LONP2: variants seen among roughly 807,000 people sequenced by gnomAD.
LONP2 encodes the protein lon peptidase 2, peroxisomal.
In LONP2, 60 loss-of-function variants were observed where a neutral mutation model predicts 85.6. The observed-to-expected ratio is 0.70, with a 90% CI of 0.57 to 0.87. The LOEUF is 0.87. Among genes scored for constraint, LONP2 ranks in the 40% least tolerant of loss-of-function variants. The pLI, the probability that LONP2 is intolerant of heterozygous loss-of-function variation, is 0.00. For missense variants in LONP2, 860 were observed against 1,063.5 expected (o/e 0.81, Z 2.66); for synonymous variants, 395 against 389.7 (o/e 1.01, Z -0.16).
chr16:48,258,831 C>T, intron 4 of LONP2, 91 bp downstream of exon 4: 1 of 1,180,152 alleles, frequency 8.5e-7, no homozygotes, highest in Non-Finnish European at 1.1e-6. Flanking sequence ...TGTCTCCTAC[C>T]ACTCGCACTA....
rs1597004149 is a variant in LONP2, at chr16:48,347,499, C to T, written c.1939-8C>T. 1 of 1,614,126 alleles carries T rather than the reference C, an allele frequency of 6.2e-7. No homozygotes were observed. Among genetic ancestry groups the T allele is most frequent in the East Asian group, 2.2e-5 (1 of 44,878 alleles). ...CAACCCAACTCTGATCATTCTTCTT[C>T]TTTCAAGGTATCTCAGCGTTTGAGT... On this transcript the variant is annotated splice_polypyrimidine_tract_variant and splice_region_variant and intron_variant, in intron 12 of 14. Transcript: ENST00000285737.
intron 12 of LONP2, chr16:48,334,645 C>A: frequency 1.6e-6 from 1 of 609,684 alleles, no homozygotes. Flanking sequence ...ACAGGCACAG[C>A]ATCAGGCGCA....
chr16:48,322,099 C>A (rs1234781851), intron 11 of LONP2, among the ~76,000 whole-genome samples: 3 of 151,736 alleles, frequency 2.0e-5, no homozygotes, highest in Non-Finnish European at 2.9e-5. Context: ...TAAAACTTTT[C>A]AAATCTTTTA....
chr16:48,288,044 T>C (rs965104667), intron 8 of LONP2, among the ~76,000 whole-genome samples: 3 of 152,216 alleles, frequency 2.0e-5, no homozygotes, highest in African/African-American at 4.8e-5. Context: ...CAAAGATTTG[T>C]GTGTGAGTTG....
chr16:48,304,451 C>A (rs1475336027), intron 11 of LONP2, among the ~76,000 whole-genome samples: 2 of 152,154 alleles, frequency 1.3e-5, no homozygotes. Context: ...TGCCTTTGAT[C>A]CCAGCACTTT....
At chr16:48,287,417 T>C (rs1205377383) in intron 8 of LONP2, among the ~76,000 whole-genome samples, 1 of 152,254 alleles carries the variant, frequency 6.6e-6, no homozygotes, top group African/African-American at 2.4e-5. Context: ...CCAACTAGTT[T>C]CATTGCCTCA....
chr16:48,269,933 T>C (rs1272191893), intron 6 of LONP2, 83 bp from the exon 7 acceptor site: 2 of 1,392,290 alleles, frequency 1.4e-6, no homozygotes, highest in African/African-American at 2.9e-5. Context: ...AAAAAAAATA[T>C]TTTGCCCTCG....
At chr16:48,348,324 T>C (rs1325430578) in intron 14 of LONP2, 34 bp downstream of exon 14, 1 of 1,300,686 alleles carries the variant, frequency 7.7e-7, no homozygotes, top group Non-Finnish European at 1.0e-6. Flanking sequence ...ATGGTTATTT[T>C]TTATTTAATT....
intron 6 of LONP2, among the ~76,000 whole-genome samples, chr16:48,264,672 G>A (rs986688953): frequency 6.6e-6 from 1 of 152,186 alleles, no homozygotes; most frequent in Non-Finnish European, 1.5e-5. Context: ...AATCACAAGA[G>A]TATTGATTGA....
At chr16:48,298,494 C>G (rs1459345153) in intron 9 of LONP2, among the ~76,000 whole-genome samples, 1 of 151,748 alleles carries the variant, frequency 6.6e-6, no homozygotes, top group Non-Finnish European at 1.5e-5. Flanking sequence ...TATATACCAT[C>G]ATGTGGAGGA....
At chr16:48,334,477 G>C in intron 12 of LONP2, 119 bp downstream of exon 12, 1 of 1,280,020 alleles carries the variant, frequency 7.8e-7, no homozygotes, top group Non-Finnish European at 1.1e-6. Context: ...AGCCTTATTC[G>C]ACCTTCTTTT....
Position 48,351,783 on chromosome 16 carries a change from T to C in LONP2, c.2540T>C (p.Leu847Pro). The change falls in exon 15 of 15, where the codon CTG becomes CCG. Residue 847 changes from leucine (L) to proline (P), a missense_variant. Coordinates refer to ENST00000285737, the MANE Select transcript of LONP2 (RefSeq NM_031490.5). ...TTTACTGTCAAGACCAGACCTGGTC[T>C]GTTAAATAGCAAACTGTAGGTCCAA... ...GGFTVKTRPG[L>P]LNSKL The C allele has an allele frequency of 1.2e-6, 2 of 1,614,120 alleles. No individual in the cohort carries two copies. Among genetic ancestry groups the C allele is most frequent in the Non-Finnish European group, 1.7e-6 (2 of 1,179,960 alleles).
At chr16:48,336,980 C>G (rs1426874734) in intron 12 of LONP2, among the ~76,000 whole-genome samples, 1 of 152,210 alleles carries the variant, frequency 6.6e-6, no homozygotes, top group Non-Finnish European at 1.5e-5. Context: ...TACTTAACCA[C>G]ACAGTCTACC....
rs1960259148 is a variant in LONP2 at position 48,354,338 on chromosome 16, G to C, written c.*2536G>C. The C allele has an allele frequency of 6.7e-6, 1 of 149,860 alleles. No homozygotes were observed. Among genetic ancestry groups the C allele is most frequent in the East Asian group, 2.0e-4 (1 of 5,072 alleles). The allele number at this position is 149,860 out of a possible 1,614,324, so 9.3% of individuals were successfully genotyped here. On this transcript the variant is annotated 3_prime_UTR_variant, in exon 15 of 15. Transcript: ENST00000285737. ...TTCTCATGCCTCAGCCTCCCAAGTA[G>C]CTGGGACCACAGGTGTGTGCCACCA...
At chr16:48,266,374 A>C (rs907826778) in intron 6 of LONP2, among the ~76,000 whole-genome samples, 1 of 151,928 alleles carries the variant, frequency 6.6e-6, no homozygotes, top group African/African-American at 2.4e-5. Context: ...ACGTACAGTA[A>C]ACTTCACAAA....
chr16:48,359,438 C>T (rs905824008), downstream of LONP2, among the ~76,000 whole-genome samples: 19 of 152,140 alleles, frequency 1.2e-4, no homozygotes, highest in Non-Finnish European at 2.5e-4. Flanking sequence ...AAAATGGCTA[C>T]GCAAGGCCGG....
At chr16:48,291,219 C>G (rs1185440247) in intron 8 of LONP2, among the ~76,000 whole-genome samples, 1 of 152,140 alleles carries the variant, frequency 6.6e-6, no homozygotes, top group Non-Finnish European at 1.5e-5. Flanking sequence ...TATCTTGTTT[C>G]ATCTATTGCT....
chr16:48,317,727 A>T (rs913867519), intron 11 of LONP2, among the ~76,000 whole-genome samples: 3 of 152,228 alleles, frequency 2.0e-5, no homozygotes, highest in African/African-American at 7.2e-5. Context: ...AAGTTGGAGA[A>T]AAGGCTAGTG....
At chr16:48,276,013 C>T (rs1398687680) in intron 7 of LONP2, among the ~76,000 whole-genome samples, 2 of 151,996 alleles carry the variant, frequency 1.3e-5, no homozygotes, top group Non-Finnish European at 2.9e-5. Context: ...CCCATTAGAG[C>T]CTTTGAGATT....
Sources: gnomAD v4.1 joint callset for allele counts (sites outside exome capture counted in the v4.1 genomes callset) on GRCh38, gnomAD v4.1.1 for gene constraint, MANE v1.5 for transcripts, NCBI Gene and HGNC (gene_info 2026-07-23, HGNC 2026-07-21) for gene names.